MOB1A: variants seen among roughly 807,000 people sequenced by gnomAD.
The protein encoded by MOB1A is MOB1 Mps One Binder homolog A.
In MOB1A, 10 loss-of-function variants were observed where a neutral mutation model predicts 25.1. The observed-to-expected ratio is 0.40, with a 90% CI of 0.25 to 0.68. MOB1A has a LOEUF of 0.68. MOB1A is among the 30% of genes least tolerant of loss of function. The pLI, the probability that MOB1A is intolerant of heterozygous loss-of-function variation, is 0.40. For synonymous variants in MOB1A, 81 were observed against 79.5 expected, an observed-to-expected ratio of 1.02 and a Z score of -0.10; for missense variants, 177 against 256.3, an observed-to-expected ratio of 0.69 and a Z score of 2.11.
intron 4 of MOB1A, among the ~76,000 whole-genome samples, chr2:74,162,150 G>A (rs1219562013): frequency 6.6e-6 from 1 of 152,182 alleles, no homozygotes; most frequent in African/African-American, 2.4e-5. Context: ...GTGGGATTAA[G>A]AGGTGGTGGA....
intron 2 of MOB1A, among the ~76,000 whole-genome samples, chr2:74,170,700 G>A (rs1693268246): frequency 6.9e-6 from 1 of 145,584 alleles, no homozygotes; most frequent in East Asian, 2.1e-4. Context: ...GCGCCAGCCT[G>A]TGCGACAGAG....
rs935336313 is a variant in MOB1A at position 74,155,651 on chromosome 2, T to C, written c.*917A>G. The C allele has an allele frequency of 2.0e-5, 3 of 152,590 alleles. No individual in the cohort carries two copies. The highest frequency in any genetic ancestry group is 7.2e-5 in the African/African-American group (3 of 41,456). The allele number at this position is 152,590 out of a possible 1,614,324, so 9.5% of individuals were successfully genotyped here. On this transcript the variant is annotated 3_prime_UTR_variant, in exon 6 of 6. Transcript: ENST00000396049. ...AAGGAAATAAAATAATCAAGTACTC[T>C]GAGTATTTTCCTCCATTCTCTTATC...
At chr2:74,168,403 G>A (rs1222396485) in intron 2 of MOB1A, among the ~76,000 whole-genome samples, 6 of 152,202 alleles carry the variant, frequency 3.9e-5, no homozygotes, top group Non-Finnish European at 8.8e-5. Flanking sequence ...AGTGGCTCAC[G>A]CCTATAATCA....
At chr2:74,157,609 C>A (rs535496528) in intron 5 of MOB1A, among the ~76,000 whole-genome samples, 1 of 152,240 alleles carries the variant, frequency 6.6e-6, no homozygotes, top group African/African-American at 2.4e-5. Flanking sequence ...CTGATGCTAC[C>A]TCCAGATAGA....
chr2:74,174,221 A>C (rs1397476958), intron 1 of MOB1A, among the ~76,000 whole-genome samples: 1 of 149,004 alleles, frequency 6.7e-6, no homozygotes, highest in Non-Finnish European at 1.5e-5. Flanking sequence ...CAGTGAGCCA[A>C]GCTTGCACCA....
chr2:74,178,778 A>G lies in MOB1A; in HGVS notation c.-104T>C. 2 of 318,650 alleles carry G rather than the reference A, an allele frequency of 6.3e-6. No individual in the cohort carries two copies. Among genetic ancestry groups the G allele is most frequent in the African/African-American group, 2.2e-5 (1 of 44,644 alleles). The allele number at this position is 318,650 out of a possible 1,614,324, so 19.7% of individuals were successfully genotyped here. On this transcript the variant is annotated 5_prime_UTR_variant, in exon 1 of 6. Coordinates refer to ENST00000396049, the MANE Select transcript of MOB1A (RefSeq NM_018221.5). ...CCGTCCTTAGCTCACGGGCAGCGGA[A>G]GCCGGGCCGCCGCCGCTCGGAGCCG...
intron 2 of MOB1A, among the ~76,000 whole-genome samples, chr2:74,170,046 T>C (rs1271501565): frequency 6.6e-6 from 1 of 152,232 alleles, no homozygotes; most frequent in Non-Finnish European, 1.5e-5. Context: ...CTACAGCAGT[T>C]AAGTCTCAAA....
intron 4 of MOB1A, among the ~76,000 whole-genome samples, chr2:74,163,495 A>G (rs1693033995): frequency 6.6e-6 from 1 of 152,000 alleles, no homozygotes; most frequent in African/African-American, 2.4e-5. Context: ...AAAATTAGCC[A>G]GGTGTAGTGG....
At position 74,153,393 on chromosome 2, in the gene MOB1A, A is replaced by G. The variant is rs960902836; in HGVS notation, c.*3175T>C. The G allele has an allele frequency of 1.3e-5, 2 of 152,132 alleles. No individual in the cohort carries two copies. Among genetic ancestry groups the G allele is most frequent in the Non-Finnish European group, 2.9e-5 (2 of 68,016 alleles). 9.4% of individuals were successfully genotyped at this position (152,132 alleles called of 1,614,324 possible). On this transcript the variant is annotated 3_prime_UTR_variant, in exon 6 of 6. Transcript: ENST00000396049. ...GACAAAACTTAGTACTACCACCAAG[A>G]TTGTTCCTCTTGCCTTGGCACTACT...
chr2:74,172,462 T>G, intron 2 of MOB1A, 124 bp downstream of exon 2: 1 of 928,892 alleles, frequency 1.1e-6, no homozygotes, highest in Non-Finnish European at 1.6e-6. Flanking sequence ...GTATTTGTAC[T>G]TAATGTTTCT....
At position 74,153,496 on chromosome 2, in the gene MOB1A, G is replaced by C. The variant is rs184089924; in HGVS notation, c.*3072C>G. On this transcript the variant is annotated 3_prime_UTR_variant, in exon 6 of 6. Transcript: ENST00000396049. ...CTCATGTAAGCAGCTATATAAGCTAGGGTTCTACAAGCCTTAGATGAAAGG... is the reference window on the plus strand; with the variant it reads ...CTCATGTAAGCAGCTATATAAGCTACGGTTCTACAAGCCTTAGATGAAAGG... 11 of 152,312 alleles carry C rather than the reference G, an allele frequency of 7.2e-5. No individual in the cohort carries two copies. In the East Asian group the frequency reaches 1.9e-3, roughly 27 times the overall value. 9.4% of individuals were successfully genotyped at this position (152,312 alleles called of 1,614,324 possible).
At chr2:74,176,641 G>A (rs1181024166) in intron 1 of MOB1A, among the ~76,000 whole-genome samples, 2 of 151,900 alleles carry the variant, frequency 1.3e-5, no homozygotes, top group Admixed American at 1.3e-4. Context: ...GCAGGCGCCT[G>A]TAGTCCCAGC....
At chr2:74,158,791 A>AT (rs932213037) in intron 5 of MOB1A, among the ~76,000 whole-genome samples, 18 of 151,304 alleles carry the variant, frequency 1.2e-4, no homozygotes, top group African/African-American at 4.2e-4. Flanking sequence ...AAAAAAAAAA[A>AT]AAAAAAGTTC....
intron 5 of MOB1A, among the ~76,000 whole-genome samples, chr2:74,158,778 C>CAAA (rs58720139): frequency 0.023 from 1,910 of 81,914 alleles, 76 homozygotes; most frequent in African/African-American, 0.07. Flanking sequence ...GACCCTGTCT[C>CAAA]AAAAAAAAAA....
At chr2:74,163,468 C>T (rs828892) in intron 4 of MOB1A, among the ~76,000 whole-genome samples, 6,241 of 152,120 alleles carry the variant, frequency 0.041, 181 homozygotes, top group Non-Finnish European at 0.068. Context: ...GAGACCTCAT[C>T]TCTACAAAAA....
rs1692721917 is a variant in MOB1A at position 74,153,725 on chromosome 2, C to G, written c.*2843G>C. On this transcript the variant is annotated 3_prime_UTR_variant, in exon 6 of 6. Transcript: ENST00000396049. Reference sequence around the variant, plus strand: ...GCATAATTTAGCAAGCACTCTCTACCCCATGACTGTAATCATGTATGAAGA... The same window carrying G: ...GCATAATTTAGCAAGCACTCTCTACGCCATGACTGTAATCATGTATGAAGA... The G allele has an allele frequency of 6.6e-6, 1 of 152,134 alleles. No individual in the cohort carries two copies. The highest frequency in any genetic ancestry group is 1.5e-5 in the Non-Finnish European group (1 of 68,036). The allele number at this position is 152,134 out of a possible 1,614,324, so 9.4% of individuals were successfully genotyped here. A position where few individuals can be genotyped will look rare whatever the true frequency, so the allele number is the denominator to read the frequency against.
chr2:74,160,139 AG>A (rs1198284820), intron 4 of MOB1A, among the ~76,000 whole-genome samples: 3 of 152,156 alleles, frequency 2.0e-5, no homozygotes, highest in Non-Finnish European at 2.9e-5. Context: ...ATGCAACAAG[AG>A]TAAGTATTTT....
chr2:74,173,291 A>G (rs1693349357), intron 1 of MOB1A: 1 of 477,386 alleles, frequency 2.1e-6, no homozygotes, highest in Non-Finnish European at 4.2e-6. Flanking sequence ...AGTCTGGTAC[A>G]GAGAAACATC....
In MOB1A at chr2:74,167,123, A is replaced by C. The variant is rs372711788; in HGVS notation, c.182-16T>G. ...AAATCCACAGCTGCAGAGATAATAG[A>C]ATTGTGTCAAAATGTCTGTGTAAAC... On this transcript the variant is annotated splice_polypyrimidine_tract_variant and intron_variant, in intron 2 of 5. Transcript: ENST00000396049. The C allele has an allele frequency of 6.2e-7, 1 of 1,600,150 alleles. No individual in the cohort carries two copies.
Sources: allele counts gnomAD v4.1 joint callset (sites outside exome capture counted in the v4.1 genomes callset), GRCh38; gene constraint gnomAD v4.1.1; transcripts MANE v1.5; gene names NCBI Gene and HGNC (gene_info 2026-07-23, HGNC 2026-07-21).